The following TRPM6 variants were observed in gnomAD, a reference collection of about 807,000 sequenced individuals.
TRPM6 encodes the protein transient receptor potential cation channel subfamily M member 6.
Under a neutral mutation model 247.6 loss-of-function variants are expected in TRPM6, and 111 were observed. The ratio of observed to expected loss-of-function variants is 0.45; its 90% CI spans 0.38 to 0.52. The LOEUF is 0.52. TRPM6 is among the 20% of genes least tolerant of loss of function. The pLI is 0.00. For synonymous variants in TRPM6, 892 were observed against 853.8 expected (o/e 1.04, Z -0.78); for missense variants, 2,126 against 2,421.5 (o/e 0.88, Z 2.56).
chr9:74,877,801 A>C (rs1831237602), intron 1 of TRPM6, among the ~76,000 whole-genome samples: 2 of 151,696 alleles, frequency 1.3e-5, no homozygotes, highest in Admixed American at 1.3e-4. Flanking sequence ...CACTGAAACA[A>C]CTCTGCCCTC....
intron 1 of TRPM6, among the ~76,000 whole-genome samples, chr9:74,873,982 T>C: frequency 6.6e-6 from 1 of 152,084 alleles, no homozygotes; most frequent in East Asian, 1.9e-4. Flanking sequence ...ACAACTGTAA[T>C]GCTAGCACGT....
chr9:74,885,265 T>A (rs1289891013), intron 1 of TRPM6, among the ~76,000 whole-genome samples: 3 of 152,126 alleles, frequency 2.0e-5, no homozygotes, highest in Non-Finnish European at 4.4e-5. Flanking sequence ...ATGGAAGGAA[T>A]AGGTAGGATG....
intron 1 of TRPM6, 60 bp from the exon 2 acceptor site, chr9:74,858,808 G>A (rs374273640): frequency 1.5e-6 from 2 of 1,378,026 alleles, no homozygotes; most frequent in African/African-American, 2.9e-5. Flanking sequence ...TGTAACCATA[G>A]TAGTTCCTGC....
rs267602273 is a variant in TRPM6 at position 74,834,099 on chromosome 9, C to T, written c.568G>A (p.Ala190Thr). 1.2e-6 allele frequency: 2 copies of T among 1,614,048 alleles called. No homozygotes were observed. Among genetic ancestry groups the T allele is most frequent in the African/African-American group, 1.3e-5 (1 of 75,038 alleles). ...NTGVSKHVGDALKSHSSHSLR... is the reference protein window; with the variant it reads ...NTGVSKHVGDTLKSHSSHSLR... ...GAATGAGAGGAATGGGATTTCAAGGCATCCCCAACATGCTTGGACACTCCT... is the reference window on the plus strand; with the variant it reads ...GAATGAGAGGAATGGGATTTCAAGGTATCCCCAACATGCTTGGACACTCCT... Residue 190 changes from alanine (A) to threonine (T), a missense_variant, in exon 6 of 39, where the codon GCC becomes ACC. Physicochemically the swap from Ala to Thr is moderately conservative, Grantham distance 58. This residue lies in a region of TRPM6 where 1,082 missense variants were observed against 1,307.9 expected (regional missense o/e 0.83). Coordinates refer to ENST00000360774, the MANE Select transcript of TRPM6 (RefSeq NM_017662.5).
At chr9:74,726,747 A>G (rs562298543) in intron 38 of TRPM6, among the ~76,000 whole-genome samples, 70 of 152,214 alleles carry the variant, frequency 4.6e-4, no homozygotes, top group African/African-American at 1.6e-3. Context: ...GAGGATGTTG[A>G]GTGAATGAGC....
chr9:74,753,278 G>GT (rs1055552037), intron 28 of TRPM6, among the ~76,000 whole-genome samples: 1 of 151,980 alleles, frequency 6.6e-6, no homozygotes, highest in Non-Finnish European at 1.5e-5. Flanking sequence ...TGAATACTTG[G>GT]TTGGATTAAT....
chr9:74,761,448 G>A (rs114561101), intron 27 of TRPM6, among the ~76,000 whole-genome samples: 1,936 of 152,282 alleles, frequency 0.013, 35 homozygotes, highest in African/African-American at 0.043. Flanking sequence ...GGTTGTGTAT[G>A]CCTGTAGTCC....
rs754328893 is a variant in TRPM6 at position 74,771,690 on chromosome 9, TTA to T, written c.3536+11_3536+12del. ...TTAGTGGTTTCAGAATGGAAAAGAT[TTA>T]TATCTTTTACCTTTCTGATGTCACT... On this transcript the variant is annotated intron_variant, in intron 25 of 38. Transcript: ENST00000360774. 6.2e-7 allele frequency: 1 copy of T among 1,612,060 alleles called. No individual in the cohort carries two copies. The highest frequency in any genetic ancestry group is 1.3e-5 in the African/African-American group (1 of 74,900).
intron 9 of TRPM6, among the ~76,000 whole-genome samples, chr9:74,819,005 A>G (rs1564029205): frequency 6.6e-6 from 1 of 152,132 alleles, no homozygotes; most frequent in East Asian, 1.9e-4. Flanking sequence ...CATCTGAGTC[A>G]TTGATATGAA....
intron 25 of TRPM6, among the ~76,000 whole-genome samples, chr9:74,769,587 T>C (rs998651054): frequency 6.6e-6 from 1 of 151,810 alleles, no homozygotes; most frequent in African/African-American, 2.4e-5. Context: ...TGAAACCCCG[T>C]CTCTACTAAA....
chr9:74,743,675 G>A (rs149582796), intron 32 of TRPM6, among the ~76,000 whole-genome samples: 167 of 152,216 alleles, frequency 1.1e-3, no homozygotes, highest in African/African-American at 3.7e-3. Context: ...ACTTTGTGGG[G>A]TTGGCCTTCA....
At chr9:74,879,617 G>A (rs923343157) in intron 1 of TRPM6, among the ~76,000 whole-genome samples, 3 of 152,040 alleles carry the variant, frequency 2.0e-5, no homozygotes, top group Non-Finnish European at 4.4e-5. Flanking sequence ...CCTATACCCT[G>A]GGAGAAGAAA....
Position 74,762,067 on chromosome 9 carries a change from G to A in TRPM6, c.4604C>T (p.Pro1535Leu), listed in dbSNP as rs1255631906. ...FWINPLRRYR[P>L]FARSHSFRFH... ...TCTAAAACTATGACTCCTAGCGAAG[G>A]GCCTGTATCTGCGGAGAGGATTGAT... The change falls in exon 26 of 39, where the codon CCC becomes CTC. Residue 1535 changes from proline (P) to leucine (L), a missense_variant. By Grantham distance (98) the Pro-to-Leu change is moderately conservative. Transcript: ENST00000360774. The A allele has an allele frequency of 1.2e-6, 2 of 1,614,072 alleles. No individual in the cohort carries two copies. The highest frequency in any genetic ancestry group is 1.7e-5 in the Admixed American group (1 of 59,992).
chr9:74,874,486 C>T (rs1831129559), intron 1 of TRPM6, among the ~76,000 whole-genome samples: 1 of 152,242 alleles, frequency 6.6e-6, no homozygotes, highest in East Asian at 1.9e-4. Context: ...AGCACAGTTA[C>T]CCATATAATG....
chr9:74,832,545 A>G (rs1441077094), intron 6 of TRPM6, among the ~76,000 whole-genome samples: 1 of 152,220 alleles, frequency 6.6e-6, no homozygotes, highest in Non-Finnish European at 1.5e-5. Context: ...CATATATTTT[A>G]GAAAGAACTA....
intron 25 of TRPM6, among the ~76,000 whole-genome samples, chr9:74,769,471 GA>G (rs1826942159): frequency 6.6e-6 from 1 of 152,098 alleles, no homozygotes; most frequent in Non-Finnish European, 1.5e-5. Context: ...TTACAAATAA[GA>G]AAACAGCCTG....
intron 8 of TRPM6, 53 bp downstream of exon 8, chr9:74,821,616 A>G: frequency 6.2e-7 from 1 of 1,600,324 alleles, no homozygotes; most frequent in South Asian, 1.1e-5. Flanking sequence ...AAGAACTAAA[A>G]TGGAGGAATA....
At chr9:74,852,147 A>AT (rs565890102) in intron 3 of TRPM6, among the ~76,000 whole-genome samples, 87 of 147,298 alleles carry the variant, frequency 5.9e-4, no homozygotes, top group South Asian at 8.6e-4. Context: ...AAAAATTAGA[A>AT]TTTTTTTTTT....
intron 9 of TRPM6, among the ~76,000 whole-genome samples, chr9:74,817,439 T>A (rs1233462416): frequency 2.0e-5 from 3 of 152,172 alleles, no homozygotes; most frequent in Admixed American, 6.5e-5. Flanking sequence ...GATCCTCCGG[T>A]CTCAGCCTCC....
Sources: gnomAD v4.1 joint callset for allele counts (sites outside exome capture counted in the v4.1 genomes callset) on GRCh38, gnomAD v4.1.1 for gene constraint, gnomAD v4.1.1 regional missense constraint, MANE v1.5 for transcripts, NCBI Gene and HGNC (gene_info 2026-07-23, HGNC 2026-07-21) for gene names.